Variants in SLC6A2 observed in about 807,000 individuals in gnomAD.
SLC6A2 encodes solute carrier family 6 member 2.
A neutral mutation model predicts 71.7 loss-of-function variants in SLC6A2; 26 were observed. The observed-to-expected ratio is 0.36, with a 90% CI of 0.27 to 0.50. The LOEUF is 0.50. Among genes scored for constraint, SLC6A2 ranks in the 20% least tolerant of loss-of-function variants. SLC6A2 has a pLI of 0.96. For synonymous variants in SLC6A2, 363 were observed against 337.9 expected (o/e 1.07, Z -0.82); for missense variants, 581 against 803.9 (o/e 0.72, Z 3.35).
chr16:55,687,146 A>C (rs1171547049), intron 5 of SLC6A2, among the ~76,000 whole-genome samples: 1 of 402 alleles, frequency 2.5e-3, no homozygotes, highest in African/African-American at 4.5e-3. Context: ...TTTAATAAAA[A>C]CCTGTGGTCA....
chr16:55,680,050 G>A (rs1965221477), intron 4 of SLC6A2, among the ~76,000 whole-genome samples: 1 of 152,158 alleles, frequency 6.6e-6, no homozygotes, highest in African/African-American at 2.4e-5. Context: ...TATCTCTCTA[G>A]ACATGCCAAA....
intron 10 of SLC6A2, 31 bp downstream of exon 10, chr16:55,698,056 G>T: frequency 6.2e-7 from 1 of 1,613,004 alleles, no homozygotes; most frequent in Admixed American, 1.7e-5. Context: ...GGGTCACCTG[G>T]GGGCCTCTGA....
chr16:55,684,074 G>C (rs953712075), intron 4 of SLC6A2, among the ~76,000 whole-genome samples: 5 of 152,106 alleles, frequency 3.3e-5, no homozygotes, highest in Admixed American at 1.3e-4. Flanking sequence ...GGAGCAGTTG[G>C]ATCACTTGAG....
chr16:55,683,662 A>C (rs77470850), intron 4 of SLC6A2, among the ~76,000 whole-genome samples: 2,964 of 152,148 alleles, frequency 0.019, 128 homozygotes, highest in African/African-American at 0.067. Flanking sequence ...CAAAAGAAAA[A>C]AAACCCAAAC....
Position 55,656,975 on chromosome 16 carries a change from G to A in SLC6A2, c.274+7G>A, listed in dbSNP as rs368095440. Reference sequence around the variant, plus strand: ...TGCTACAAGAACGGCGGCGGTGAGCGTGGGGTCGGGCTGGGAATTTGAATC... The same window carrying A: ...TGCTACAAGAACGGCGGCGGTGAGCATGGGGTCGGGCTGGGAATTTGAATC... On this transcript the variant is annotated splice_region_variant and intron_variant, in intron 2 of 14. Coordinates refer to ENST00000568943, the MANE Select transcript of SLC6A2 (RefSeq NM_001172501.3). This position sits in a 1 kb window ranked among gnomAD's most constrained non-coding sequence, Gnocchi z 4.5. 4.3e-6 allele frequency: 7 copies of A among 1,612,484 alleles called. No homozygotes were observed. The African/African-American group carries it at 8.0e-5, about 18-fold the overall frequency.
chr16:55,697,675 C>G (rs942535335), intron 9 of SLC6A2, among the ~76,000 whole-genome samples: 4 of 152,114 alleles, frequency 2.6e-5, no homozygotes. Flanking sequence ...GTTGACTTAA[C>G]CCTCACCCTC....
chr16:55,675,107 G>A (rs1965044262), intron 4 of SLC6A2, among the ~76,000 whole-genome samples: 1 of 152,066 alleles, frequency 6.6e-6, no homozygotes, highest in South Asian at 2.1e-4. Context: ...AATCCTCTCA[G>A]CCTCTACTTC....
chr16:55,667,304 G>A (rs535192982), intron 2 of SLC6A2, among the ~76,000 whole-genome samples: 249 of 152,298 alleles, frequency 1.6e-3, no homozygotes, highest in Non-Finnish European at 3.0e-3. Context: ...GCCAGATCCA[G>A]GTTTGAAGCC....
chr16:55,692,033 A>G lies in SLC6A2; in HGVS notation c.899A>G (p.Tyr300Cys). The G allele has an allele frequency of 6.2e-7, 1 of 1,614,170 alleles. No individual in the cohort carries two copies. The highest frequency in any genetic ancestry group is 8.5e-7 in the Non-Finnish European group (1 of 1,180,020). The change falls in exon 6 of 15, where the codon TAC (tyrosine) becomes TGC (cysteine). Residue 300 changes from tyrosine to cysteine, a missense_variant. Physicochemically the swap from Tyr to Cys is radical, Grantham distance 194 (BLOSUM62 -2). Around this residue, in one of 5 missense-constraint regions of SLC6A2, gnomAD observed 334 missense variants for 449.0 expected, o/e 0.74. Coordinates refer to ENST00000568943, the MANE Select transcript of SLC6A2 (RefSeq NM_001172501.3). ...GINAYLHIDF[Y>C]RLKEATVWID... ...AATGCCTACCTGCACATCGACTTCT[A>G]CCGCTTGAAAGAGGCCACGGTCAGT...
chr16:55,669,306 C>A (rs143101125), intron 2 of SLC6A2, among the ~76,000 whole-genome samples: 1 of 152,178 alleles, frequency 6.6e-6, no homozygotes, highest in Non-Finnish European at 1.5e-5. Flanking sequence ...CTAGGAGAAG[C>A]CTGCAAGAAG....
At chr16:55,680,441 A>G (rs1286562498) in intron 4 of SLC6A2, among the ~76,000 whole-genome samples, 1 of 152,220 alleles carries the variant, frequency 6.6e-6, no homozygotes, top group Non-Finnish European at 1.5e-5. Context: ...CCCAAAGCTG[A>G]AGAACTTGGA....
At chr16:55,693,250 G>A (rs1353965741) in intron 6 of SLC6A2, among the ~76,000 whole-genome samples, 1 of 152,138 alleles carries the variant, frequency 6.6e-6, no homozygotes, top group Admixed American at 6.5e-5. Context: ...AGCGGGGCAC[G>A]GTGGCACGCA....
chr16:55,692,009 A>G lies in SLC6A2; in HGVS notation c.875A>G (p.Asn292Ser), dbSNP rs5563. 3.1e-6 allele frequency: 5 copies of G among 1,614,084 alleles called. No individual in the cohort carries two copies. Among genetic ancestry groups the G allele is most frequent in the Non-Finnish European group, 4.2e-6 (5 of 1,180,046 alleles). ...VTLPGASNGI[N>S]AYLHIDFYRL... The stretch of plus-strand genomic sequence containing the variant: ...CTGCCCGGAGCCTCCAATGGCATCA[A>G]TGCCTACCTGCACATCGACTTCTAC... The change falls in exon 6 of 15, where the codon AAT becomes AGT. Residue 292 changes from asparagine to serine, a missense_variant. Around this residue, in one of 5 missense-constraint regions of SLC6A2, gnomAD observed 334 missense variants for 449.0 expected, o/e 0.74. Transcript: ENST00000568943.
Position 55,673,827 on chromosome 16 carries a change from G to T in SLC6A2, c.644+1652G>T, listed in dbSNP as rs1964998435. On this transcript the variant is annotated intron_variant, in intron 4 of 14. Coordinates refer to ENST00000568943, the MANE Select transcript of SLC6A2 (RefSeq NM_001172501.3). Reference sequence around the variant, plus strand: ...TCCACCCATTTTGGCCTCCCAAAGTGCTGGGATTACAGGCGTGAGCCACCA... The same window carrying T: ...TCCACCCATTTTGGCCTCCCAAAGTTCTGGGATTACAGGCGTGAGCCACCA... Among the ~76,000 whole-genome samples, 5 of 152,284 alleles carry T rather than the reference G, an allele frequency of 3.3e-5. No homozygotes were observed. In the South Asian group the frequency reaches 1.0e-3, roughly 32 times the overall value.
intron 7 of SLC6A2, among the ~76,000 whole-genome samples, chr16:55,694,642 A>G (rs1198282661): frequency 6.6e-6 from 1 of 152,208 alleles, no homozygotes; most frequent in Non-Finnish European, 1.5e-5. Flanking sequence ...CTTAAGGCAG[A>G]ATCACAGTGT....
At chr16:55,696,474 T>A (rs1265593891) in intron 9 of SLC6A2, 137 bp downstream of exon 9, 19 of 690,170 alleles carry the variant, frequency 2.8e-5, no homozygotes, top group Middle Eastern at 4.0e-4. Flanking sequence ...CCTATTTAAA[T>A]GCAGACAAAA....
chr16:55,686,219 G>A (rs771663902), intron 5 of SLC6A2, among the ~76,000 whole-genome samples: 2 of 152,178 alleles, frequency 1.3e-5, no homozygotes, highest in South Asian at 2.1e-4. Flanking sequence ...CACTGGGCTG[G>A]AATATTCTAG....
At position 55,656,447 on chromosome 16, in the gene SLC6A2, G is replaced by A; in HGVS notation, c.-51-197G>A. On this transcript the variant is annotated intron_variant, in intron 1 of 14. Coordinates refer to ENST00000568943, the MANE Select transcript of SLC6A2 (RefSeq NM_001172501.3). The surrounding 1 kb of genome is among the most constrained non-coding windows in gnomAD (Gnocchi z 4.5). ...AGCCGCCCCCAGAGGGCTGTCAGAA[G>A]TCTCCAACTCTTGAGTTCCGGCGTG... The A allele has an allele frequency of 3.4e-6, 2 of 582,874 alleles. No individual in the cohort carries two copies. The highest frequency in any genetic ancestry group is 3.1e-6 in the Non-Finnish European group (1 of 326,198). 36.1% of individuals were successfully genotyped at this position (582,874 alleles called of 1,614,324 possible).
intron 11 of SLC6A2, among the ~76,000 whole-genome samples, 177 bp downstream of exon 11, chr16:55,698,745 C>G (rs1205163184): frequency 6.6e-6 from 1 of 152,134 alleles, no homozygotes; most frequent in Non-Finnish European, 1.5e-5. Context: ...CTGCCCTTAA[C>G]AGGAGGCTGC....
Sources: allele counts gnomAD v4.1 joint callset (sites outside exome capture counted in the v4.1 genomes callset), GRCh38; gene constraint gnomAD v4.1.1; regional missense constraint gnomAD v4.1.1; non-coding constraint Gnocchi (gnomAD v3.1); transcripts MANE v1.5; gene names NCBI Gene and HGNC (gene_info 2026-07-23, HGNC 2026-07-21).